RALGDS: variants seen among roughly 807,000 people sequenced by gnomAD.
The protein encoded by RALGDS is ral guanine nucleotide dissociation stimulator.
A neutral mutation model predicts 99.8 loss-of-function variants in RALGDS; 44 were observed. The observed-to-expected ratio is 0.44, with a 90% confidence interval of 0.35 to 0.57. RALGDS has a LOEUF of 0.57. Among genes scored for constraint, RALGDS ranks in the 20% least tolerant of loss-of-function variants. The pLI is 0.01. For synonymous variants in RALGDS, 529 were observed against 505.0 expected (o/e 1.05, Z -0.64); for missense variants, 1,022 against 1,203.1 (o/e 0.85, Z 2.23).
upstream of RALGDS, among the ~76,000 whole-genome samples, chr9:133,131,730 G>A (rs1258370189): frequency 1.3e-5 from 2 of 152,016 alleles, no homozygotes; most frequent in Non-Finnish European, 2.9e-5. Flanking sequence ...CTTGACCTTC[G>A]AGGAACAGTA....
chr9:133,123,120 C>T (rs570087886), upstream of RALGDS, among the ~76,000 whole-genome samples: 11 of 152,070 alleles, frequency 7.2e-5, no homozygotes, highest in African/African-American at 1.7e-4. Flanking sequence ...GTGGGTGAGG[C>T]GTATTTCGAG....
chr9:133,101,940 T>C lies in RALGDS; in HGVS notation c.2209A>G (p.Lys737Glu), dbSNP rs1830778275. The C allele has an allele frequency of 1.3e-6, 2 of 1,551,104 alleles. No individual in the cohort carries two copies. Among genetic ancestry groups the C allele is most frequent in the Non-Finnish European group, 1.7e-6 (2 of 1,147,038 alleles). ...TGGGGAGAAGGGCAGGCAGTCACCT[T>C]CTTTTCCTGGCCATCAGGAGACTCC... Reference protein sequence around the residue: ...VPESPDGQEKKFWESASQSSP... With the variant: ...VPESPDGQEKEFWESASQSSP... The change falls in exon 15 of 18, where the codon AAG becomes GAG. Residue 737 changes from lysine (K) to glutamate (E), a missense_variant and splice_region_variant. Coordinates refer to ENST00000372050, the MANE Select transcript of RALGDS (RefSeq NM_006266.4).
rs1831073497 is a variant in RALGDS at position 133,106,632 on chromosome 9, G to A, written c.1517+13C>T. 6.3e-7 allele frequency: 1 copy of A among 1,586,558 alleles called. No individual in the cohort carries two copies. The highest frequency in any genetic ancestry group is 8.6e-7 in the Non-Finnish European group (1 of 1,160,484). ...CCCTGGTGCACCAGGAGCTCCTACA[G>A]AGGCATGCCCACCTGGAAACGTCTT... On this transcript the variant is annotated intron_variant, in intron 8 of 17. Transcript: ENST00000372050.
At chr9:133,099,432 G>A (rs1336930116) in intron 17 of RALGDS, 1 of 153,034 alleles carries the variant, frequency 6.5e-6, no homozygotes, top group Non-Finnish European at 1.5e-5. Context: ...GATTTAGACT[G>A]TAACTTCTAG....
intron 8 of RALGDS, 38 bp downstream of exon 8, chr9:133,106,606 TC>T: frequency 6.9e-7 from 1 of 1,454,164 alleles, no homozygotes. Flanking sequence ...CTGTGGGAGG[TC>T]CCTGGTGCAC....
chr9:133,140,940 G>T (rs939894922), intron 1 of RALGDS, among the ~76,000 whole-genome samples: 4 of 152,180 alleles, frequency 2.6e-5, no homozygotes, highest in Non-Finnish European at 4.4e-5. Flanking sequence ...ACTCCAGCTG[G>T]GGGTGGCTGG....
chr9:133,103,197 C>A, intron 12 of RALGDS, 33 bp downstream of exon 12: 1 of 1,613,620 alleles, frequency 6.2e-7, no homozygotes, highest in Non-Finnish European at 8.5e-7. Flanking sequence ...TTTTCCACCC[C>A]TCCCCAAGTC....
At chr9:133,125,460 G>GATTA (rs1192070999), upstream of RALGDS, among the ~76,000 whole-genome samples, 1 of 152,218 alleles carries the variant, frequency 6.6e-6, no homozygotes, top group East Asian at 1.9e-4. Flanking sequence ...ATGGCCAGAC[G>GATTA]CAGTGGCTCA....
intron 1 of RALGDS, chr9:133,129,288 T>C (rs946983702): frequency 6.3e-7 from 1 of 1,593,284 alleles, no homozygotes; most frequent in Non-Finnish European, 8.5e-7. Context: ...ACGGCAGGCC[T>C]GGCACAAACC....
At position 133,108,108 on chromosome 9, in the gene RALGDS, T is replaced by C. The variant is rs1175442061; in HGVS notation, c.1077A>G (p.Pro359=). ...LELEPAPAPV[P]SLQPSWPSPV... ...GTGAAGGCCAGGAAGGCTGTAATGA[T>C]GGAACTGGTGCTGGAGCTGGCTCCA... The change falls in exon 6 of 18, where the codon CCA becomes CCG. Residue 359 remains proline, a synonymous_variant. Coordinates refer to ENST00000372050, the MANE Select transcript of RALGDS (RefSeq NM_006266.4). 13 of 1,613,686 alleles carry C rather than the reference T, an allele frequency of 8.1e-6. No individual in the cohort carries two copies. Among genetic ancestry groups the C allele is most frequent in the South Asian group, 1.1e-5 (1 of 91,082 alleles).
rs1472354944 is a variant in RALGDS at position 133,144,407 on chromosome 9, G to A, written c.18+4556C>T. Among the ~76,000 whole-genome samples, 1 of 152,014 alleles carries A rather than the reference G, an allele frequency of 6.6e-6. No individual in the cohort carries two copies. Among genetic ancestry groups the A allele is most frequent in the East Asian group, 1.9e-4 (1 of 5,188 alleles). On this transcript the variant is annotated intron_variant, in intron 1 of 17. Transcript: ENST00000393160. This position sits in a 1 kb window ranked among gnomAD's most constrained non-coding sequence, Gnocchi z 4.5. ...CCTCCGCCCCCCGCCGGCCTCCGACGCAAAGTCGCCACCCAGTCACCCCGC... is the reference window on the plus strand; with the variant it reads ...CCTCCGCCCCCCGCCGGCCTCCGACACAAAGTCGCCACCCAGTCACCCCGC...
At chr9:133,120,132 C>T (rs1328702033) in intron 1 of RALGDS, among the ~76,000 whole-genome samples, 2 of 152,174 alleles carry the variant, frequency 1.3e-5, no homozygotes, top group Non-Finnish European at 2.9e-5. Context: ...ATTCCACTCC[C>T]TCTGCTGTGT....
intron 8 of RALGDS, among the ~76,000 whole-genome samples, chr9:133,106,275 C>G (rs1363909389): frequency 2.0e-5 from 3 of 152,054 alleles, no homozygotes; most frequent in Non-Finnish European, 4.4e-5. Context: ...GTCACCCAGG[C>G]TGGAGTGCAG....
In RALGDS at chr9:133,118,624, A is replaced by G. The variant is rs1831742641; in HGVS notation, c.183+2348T>C. Among the ~76,000 whole-genome samples the G allele has an allele frequency of 2.6e-5, 4 of 152,222 alleles. No homozygotes were observed. The South Asian group carries it at 8.3e-4, about 31-fold the overall frequency. On this transcript the variant is annotated intron_variant, in intron 1 of 17. Coordinates refer to ENST00000372050, the MANE Select transcript of RALGDS (RefSeq NM_006266.4). ...CTGTTATCTTAAACCTGTGGGGTCC[A>G]GTTCTGGGCTTGCTTCCTCCAGGTA...
At chr9:133,117,225 C>T (rs1479999499) in intron 1 of RALGDS, among the ~76,000 whole-genome samples, 1 of 152,212 alleles carries the variant, frequency 6.6e-6, no homozygotes, top group Non-Finnish European at 1.5e-5. Context: ...GGTCTCTTGT[C>T]TAACTCGAGG....
chr9:133,111,059 C>A (rs1049070041), intron 2 of RALGDS, among the ~76,000 whole-genome samples: 1 of 152,062 alleles, frequency 6.6e-6, no homozygotes, highest in Non-Finnish European at 1.5e-5. Flanking sequence ...CAGAGTGAGA[C>A]CCTGTCTCTA....
At chr9:133,107,033 C>G in intron 7 of RALGDS, 52 bp downstream of exon 7, 3 of 1,595,064 alleles carry the variant, frequency 1.9e-6, no homozygotes, top group Non-Finnish European at 2.6e-6. Flanking sequence ...CAGACCACAA[C>G]CTGAGAACAG....
chr9:133,132,880 G>A (rs1394353760), upstream of RALGDS, among the ~76,000 whole-genome samples: 1 of 152,008 alleles, frequency 6.6e-6, no homozygotes, highest in Non-Finnish European at 1.5e-5. Flanking sequence ...GTCGAGATCC[G>A]CCCGCCTTGG....
intron 1 of RALGDS, among the ~76,000 whole-genome samples, chr9:133,140,843 G>A (rs915998275): frequency 6.6e-6 from 1 of 151,998 alleles, no homozygotes; most frequent in African/African-American, 2.4e-5. Context: ...AAGAACGTGG[G>A]CCGGGGCTGC....
Sources: gnomAD v4.1 joint callset for allele counts (sites outside exome capture counted in the v4.1 genomes callset) on GRCh38, gnomAD v4.1.1 for gene constraint, Gnocchi (gnomAD v3.1) non-coding constraint, MANE v1.5 for transcripts, NCBI Gene and HGNC (gene_info 2026-07-23, HGNC 2026-07-21) for gene names.